VPS13B: variants seen among roughly 807,000 people sequenced by gnomAD.
The protein encoded by VPS13B is intermembrane lipid transfer protein VPS13B.
Under a neutral mutation model 426.4 loss-of-function variants are expected in VPS13B, and 285 were observed. That is an observed-to-expected ratio of 0.67 (90% CI 0.61 to 0.74). The LOEUF is 0.74. Among genes scored for constraint, VPS13B ranks in the 30% least tolerant of loss-of-function variants. The pLI, the probability that VPS13B is intolerant of heterozygous loss-of-function variation, is 0.00. For synonymous variants in VPS13B, 1,676 were observed against 1,676.4 expected (o/e 1.00, Z 0.01); for missense variants, 4,537 against 4,782.6 (o/e 0.95, Z 1.51).
rs1258008578 is a variant in VPS13B, at chr8:99,293,649, G to A, written c.2824+18395G>A. On this transcript the variant is annotated intron_variant, in intron 19 of 61. Transcript: ENST00000357162. ...AATTTTCGCAACCTACTCATCTGAC[G>A]AAGGGCTAATATCCAGAATCTACAA... 7.7e-4 allele frequency among the ~76,000 whole-genome samples: 115 copies of A among 148,460 alleles called. 1 individual carries two copies. The Middle Eastern group carries it at 0.024, about 31-fold the overall frequency.
At chr8:99,643,772 A>G (rs966149617) in intron 34 of VPS13B, among the ~76,000 whole-genome samples, 11 of 152,340 alleles carry the variant, frequency 7.2e-5, no homozygotes, top group African/African-American at 2.6e-4. Context: ...ACCAAGAGCC[A>G]TTTGTTAAAC....
At chr8:99,219,764 A>G (rs1588149833) in intron 17 of VPS13B, among the ~76,000 whole-genome samples, 1 of 152,114 alleles carries the variant, frequency 6.6e-6, no homozygotes, top group Admixed American at 6.5e-5. Flanking sequence ...TAAAAATCCC[A>G]CCTTCCAATA....
At position 99,869,849 on chromosome 8, in the gene VPS13B, C is replaced by T. The variant is rs117893561; in HGVS notation, c.11393-936C>T. Among the ~76,000 whole-genome samples the T allele has an allele frequency of 2.4e-3, 364 of 152,312 alleles. 13 individuals carry two copies. In the East Asian group the frequency reaches 0.05, roughly 21 times the overall value. On this transcript the variant is annotated intron_variant, in intron 59 of 61. Transcript: ENST00000357162. ...ACTAACTCTTAGTCTAATGACTATG[C>T]GTCGTTTGTAAACATTTACAAGCCC...
chr8:99,312,562 T>A (rs991657870), intron 19 of VPS13B, among the ~76,000 whole-genome samples: 1 of 152,230 alleles, frequency 6.6e-6, no homozygotes, highest in African/African-American at 2.4e-5. Context: ...GGGCTTCCCT[T>A]TGTGGGTAAC....
At chr8:99,549,062 C>A (rs1355918209) in intron 30 of VPS13B, among the ~76,000 whole-genome samples, 1 of 151,890 alleles carries the variant, frequency 6.6e-6, no homozygotes, top group Non-Finnish European at 1.5e-5. Context: ...ATTGATGTTT[C>A]CTGGTTTTGA....
chr8:99,221,464 T>G (rs954172426), intron 17 of VPS13B, among the ~76,000 whole-genome samples: 58 of 152,150 alleles, frequency 3.8e-4, no homozygotes, highest in African/African-American at 1.4e-3. Context: ...GGAAGAAAAA[T>G]GAAAAGGAGA....
chr8:99,201,197 C>T (rs981938419), intron 17 of VPS13B, among the ~76,000 whole-genome samples: 2 of 151,972 alleles, frequency 1.3e-5, no homozygotes, highest in Non-Finnish European at 2.9e-5. Flanking sequence ...TTACTACCAC[C>T]AAAATAACTG....
At chr8:99,305,230 A>G (rs1277782530) in intron 19 of VPS13B, among the ~76,000 whole-genome samples, 12 of 152,222 alleles carry the variant, frequency 7.9e-5, no homozygotes, top group African/African-American at 2.6e-4. Flanking sequence ...CTTTGTATCA[A>G]TGCATTCCAC....
intron 36 of VPS13B, among the ~76,000 whole-genome samples, chr8:99,703,384 TG>T (rs1832363110): frequency 6.6e-6 from 1 of 152,148 alleles, no homozygotes; most frequent in Non-Finnish European, 1.5e-5. Flanking sequence ...CTCCCATTTC[TG>T]TTAGAATACT....
At chr8:99,412,384 T>C (rs1172962756) in intron 21 of VPS13B, among the ~76,000 whole-genome samples, 1 of 152,172 alleles carries the variant, frequency 6.6e-6, no homozygotes, top group Non-Finnish European at 1.5e-5. Flanking sequence ...CTGTTATTGG[T>C]GTATAGGAAT....
At chr8:99,115,648 A>ATACTC (rs1428827951) in intron 6 of VPS13B, 52 bp from the exon 7 acceptor site, 9 of 1,569,114 alleles carry the variant, frequency 5.7e-6, no homozygotes, top group Non-Finnish European at 7.8e-6. Flanking sequence ...TATGTAAAAA[A>ATACTC]TACTCTTTTT....
At chr8:99,427,057 T>C (rs1239903714) in intron 21 of VPS13B, among the ~76,000 whole-genome samples, 4 of 52,484 alleles carry the variant, frequency 7.6e-5, no homozygotes, top group African/African-American at 2.0e-4. Flanking sequence ...GTCTAACGTT[T>C]AAATCTTTAA....
At chr8:99,800,952 A>G (rs1020483071) in intron 43 of VPS13B, among the ~76,000 whole-genome samples, 4 of 152,342 alleles carry the variant, frequency 2.6e-5, no homozygotes, top group Middle Eastern at 3.4e-3. Context: ...TCAAATGACT[A>G]TTACAAAGTA....
intron 19 of VPS13B, among the ~76,000 whole-genome samples, chr8:99,345,481 G>C (rs1007780554): frequency 6.6e-6 from 1 of 151,906 alleles, no homozygotes. Context: ...GTGGTATTTT[G>C]TGTAACTTTC....
intron 5 of VPS13B, among the ~76,000 whole-genome samples, chr8:99,108,568 A>G (rs1847175964): frequency 2.0e-5 from 3 of 152,098 alleles, no homozygotes; most frequent in African/African-American, 7.2e-5. Flanking sequence ...TGGCCCCTAT[A>G]TAGAAAATCA....
chr8:99,452,546 C>T (rs1236605831), intron 23 of VPS13B, among the ~76,000 whole-genome samples: 5 of 151,936 alleles, frequency 3.3e-5, no homozygotes, highest in African/African-American at 9.7e-5. Flanking sequence ...CATGGTAAAT[C>T]GTGGTTGGTT....
intron 3 of VPS13B, among the ~76,000 whole-genome samples, chr8:99,069,015 TTAAAAG>T (rs5893478): frequency 0.73 from 110,797 of 151,264 alleles, 41,306 homozygotes; most frequent in South Asian, 0.87. Context: ...TTTAATTCTA[TTAAAAG>T]TAAAAGCATA....
intron 15 of VPS13B, among the ~76,000 whole-genome samples, chr8:99,163,965 C>T (rs910996061): frequency 1.3e-5 from 2 of 152,156 alleles, no homozygotes; most frequent in Admixed American, 6.5e-5. Flanking sequence ...ACCTCTCAAT[C>T]CCCCCTCTAA....
At chr8:99,740,165 A>G (rs1025851830) in intron 39 of VPS13B, among the ~76,000 whole-genome samples, 1 of 152,320 alleles carries the variant, frequency 6.6e-6, no homozygotes, top group South Asian at 2.1e-4. Flanking sequence ...CACAAGAACT[A>G]CATGAGGAAT....
Sources: allele counts gnomAD v4.1 joint callset (sites outside exome capture counted in the v4.1 genomes callset), GRCh38; gene constraint gnomAD v4.1.1; transcripts MANE v1.5; gene names NCBI Gene and HGNC (gene_info 2026-07-23, HGNC 2026-07-21).